Variants in PNLIP observed in about 807,000 individuals in gnomAD.
PNLIP encodes the protein pancreatic lipase.
A neutral mutation model predicts 57.1 loss-of-function variants in PNLIP; 49 were observed. That is an observed-to-expected ratio of 0.86 (90% CI 0.68 to 1.09). The LOEUF (loss-of-function observed/expected upper bound fraction) is 1.09, where lower values mean the gene tolerates loss of function less well. Among genes scored for constraint, PNLIP ranks in the 50% least tolerant of loss-of-function variants. PNLIP has a pLI of 0.00. For missense variants in PNLIP, 503 were observed against 570.2 expected (o/e 0.88, Z 1.20); for synonymous variants, 209 against 200.4 (o/e 1.04, Z -0.36).
chr10:116,556,149 T>C, intron 9 of PNLIP, 31 bp downstream of exon 9: 1 of 1,242,600 alleles, frequency 8.0e-7, no homozygotes, highest in Non-Finnish European at 1.2e-6. Flanking sequence ...GCATAAAGAA[T>C]TTTGTGACTG....
At chr10:116,564,822 T>C (rs1847347616) in intron 12 of PNLIP, among the ~76,000 whole-genome samples, 4 of 152,032 alleles carry the variant, frequency 2.6e-5, no homozygotes, top group Admixed American at 2.6e-4. Context: ...GAAGGTGTGA[T>C]AAGTTAAAAA....
rs1847117098 is a variant in PNLIP, at chr10:116,545,938, G to C, written c.-21G>C. The C allele has an allele frequency of 1.5e-5, 9 of 611,978 alleles. No homozygotes were observed. The highest frequency in any genetic ancestry group is 2.6e-5 in the Non-Finnish European group (9 of 339,752). 37.9% of individuals were successfully genotyped at this position (611,978 alleles called of 1,614,324 possible). A position where few individuals can be genotyped will look rare whatever the true frequency, so the allele number is the denominator to read the frequency against. On this transcript the variant is annotated 5_prime_UTR_variant, in exon 1 of 13. Coordinates refer to ENST00000369221, the MANE Select transcript of PNLIP (RefSeq NM_000936.4). ...TTTTGTTGCTATCTGGTTGCGTGTG[G>C]AACCTGACGGAACTGCCACGGTGAG...
At chr10:116,557,241 C>A (rs961938818) in intron 9 of PNLIP, among the ~76,000 whole-genome samples, 2 of 152,170 alleles carry the variant, frequency 1.3e-5, no homozygotes, top group African/African-American at 4.8e-5. Flanking sequence ...ACAAAAGCCT[C>A]AGGTTTCATT....
chr10:116,557,546 C>G (rs1469066386), intron 9 of PNLIP, among the ~76,000 whole-genome samples: 2 of 152,196 alleles, frequency 1.3e-5, no homozygotes, highest in Non-Finnish European at 2.9e-5. Context: ...GAGATGACGT[C>G]TTGGGCTTGT....
At chr10:116,561,734 G>T in intron 12 of PNLIP, 98 bp downstream of exon 12, 1 of 1,055,978 alleles carries the variant, frequency 9.5e-7, no homozygotes, top group Non-Finnish European at 1.4e-6. Flanking sequence ...TCCTACAGGG[G>T]ATCGCCTACA....
intron 9 of PNLIP, among the ~76,000 whole-genome samples, chr10:116,556,362 T>A (rs1238532379): frequency 1.3e-5 from 2 of 152,206 alleles, no homozygotes; most frequent in Non-Finnish European, 2.9e-5. Context: ...TGTCCAAACT[T>A]GTTTTAGAAA....
chr10:116,553,255 A>G (rs1047479390), intron 5 of PNLIP, among the ~76,000 whole-genome samples: 1 of 152,106 alleles, frequency 6.6e-6, no homozygotes, highest in African/African-American at 2.4e-5. Flanking sequence ...ATAGGCACCC[A>G]CCACCACGCC....
At chr10:116,554,509 A>G (rs886867087) in intron 6 of PNLIP, among the ~76,000 whole-genome samples, 1 of 152,144 alleles carries the variant, frequency 6.6e-6, no homozygotes, top group African/African-American at 2.4e-5. Context: ...GAGCTCACAT[A>G]TTGGATACCC....
intron 2 of PNLIP, among the ~76,000 whole-genome samples, chr10:116,546,863 A>G (rs1847131070): frequency 6.6e-6 from 1 of 152,206 alleles, no homozygotes; most frequent in African/African-American, 2.4e-5. Context: ...GATGTCCTGC[A>G]GTACAGCAAG....
rs757792258 is a variant in PNLIP at position 116,567,721 on chromosome 10, T to C, written c.1335-14T>C. ...AGGAAGAGGAGGTGACTTTGTGTTG[T>C]TTTTTCTCCACAGGTTCAACTTCTG... On this transcript the variant is annotated splice_polypyrimidine_tract_variant and intron_variant, in intron 12 of 12. Transcript: ENST00000369221. The C allele has an allele frequency of 2.1e-5, 34 of 1,611,878 alleles. 1 individual carries two copies. The South Asian group carries it at 3.6e-4, about 17-fold the overall frequency.
Position 116,560,472 on chromosome 10 carries a change from C to G in PNLIP, c.1117C>G (p.Leu373Val). Residue 373 changes from leucine (L) to valine (V), a missense_variant, in exon 11 of 13, where the codon CTA becomes GTA. Coordinates refer to ENST00000369221, the MANE Select transcript of PNLIP (RefSeq NM_000936.4). ...TGGAAAAAAGGTTACAGGACACATACTAGTTTCTTTGTTCGGAAATAAAGG... is the reference window on the plus strand; with the variant it reads ...TGGAAAAAAGGTTACAGGACACATAGTAGTTTCTTTGTTCGGAAATAAAGG... ...LSGKKVTGHI[L>V]VSLFGNKGNS... 2 of 1,607,092 alleles carry G rather than the reference C, an allele frequency of 1.2e-6. No homozygotes were observed. Among genetic ancestry groups the G allele is most frequent in the Non-Finnish European group, 1.7e-6 (2 of 1,176,004 alleles).
chr10:116,561,595 G>T lies in PNLIP; in HGVS notation c.1293G>T (p.Val431=), dbSNP rs1313182039. 5 of 1,613,116 alleles carry T rather than the reference G, an allele frequency of 3.1e-6. No homozygotes were observed. The highest frequency in any genetic ancestry group is 3.4e-6 in the Non-Finnish European group (4 of 1,179,646). Residue 431 remains valine (V), a synonymous_variant, in exon 12 of 13, where the codon GTG becomes GTT. Coordinates refer to ENST00000369221, the MANE Select transcript of PNLIP (RefSeq NM_000936.4). ...NNVINPTLPR[V]GASKIIVETN... Reference sequence around the variant, plus strand: ...TGATCAACCCAACTTTACCTAGAGTGGGAGCATCCAAGATTATAGTGGAGA... The same window carrying T: ...TGATCAACCCAACTTTACCTAGAGTTGGAGCATCCAAGATTATAGTGGAGA...
In PNLIP at chr10:116,555,452, T is replaced by C; in HGVS notation, c.756T>C (p.Pro252=). The C allele has an allele frequency of 3.1e-6, 5 of 1,614,148 alleles. No homozygotes were observed. Among genetic ancestry groups the C allele is most frequent in the Non-Finnish European group, 4.2e-6 (5 of 1,179,958 alleles). ...DFFPNGGVEM[P]GCKKNILSQI... ...TTCCAAATGGAGGAGTGGAAATGCC[T>C]GGATGTAAAAAGAACATTCTCTCTC... Residue 252 remains proline (P), a synonymous_variant, in exon 8 of 13, where the codon CCT becomes CCC. Transcript: ENST00000369221.
At chr10:116,561,745 T>A in intron 12 of PNLIP, 109 bp downstream of exon 12, 2 of 943,170 alleles carry the variant, frequency 2.1e-6, no homozygotes, top group Admixed American at 2.4e-5. Flanking sequence ...ATCGCCTACA[T>A]CCTAGTTGCA....
intron 1 of PNLIP, 59 bp downstream of exon 1, chr10:116,546,017 G>C (rs1470430251): frequency 8.2e-7 from 1 of 1,223,690 alleles, no homozygotes; most frequent in Non-Finnish European, 1.2e-6. Flanking sequence ...TTTTCCCCCA[G>C]AGGTCTAAAT....
At position 116,551,246 on chromosome 10, in the gene PNLIP, G is replaced by C; in HGVS notation, c.459+14G>C. 1 of 1,572,760 alleles carries C rather than the reference G, an allele frequency of 6.4e-7. No homozygotes were observed. The highest frequency in any genetic ancestry group is 8.6e-7 in the Non-Finnish European group (1 of 1,156,694). On this transcript the variant is annotated intron_variant, in intron 5 of 12. Transcript: ENST00000369221. The stretch of plus-strand genomic sequence containing the variant: ...GAATTTCTTCAGGTAATTACTCCCG[G>C]ATTGCATAAAAGCCTGTACACATGG...
intron 12 of PNLIP, among the ~76,000 whole-genome samples, chr10:116,565,205 G>A (rs1307756296): frequency 1.8e-5 from 2 of 113,654 alleles, no homozygotes; most frequent in Admixed American, 1.3e-4. Context: ...AGCCAAGATC[G>A]CACCACTGCA....
In PNLIP at chr10:116,561,508, A is replaced by G; in HGVS notation, c.1206A>G (p.Glu402=). 6.2e-7 allele frequency: 1 copy of G among 1,614,008 alleles called. No individual in the cohort carries two copies. The highest frequency in any genetic ancestry group is 8.5e-7 in the Non-Finnish European group (1 of 1,179,918). The change falls in exon 12 of 13, where the codon GAA becomes GAG. Residue 402 remains glutamate (E), a synonymous_variant. Transcript: ENST00000369221. ...AACCAGATAGTACTCATTCCAATGA[A>G]TTTGACTCAGATGTGGATGTTGGGG... ...TLKPDSTHSN[E]FDSDVDVGDL...
Position 116,561,635 on chromosome 10 carries a change from C to T in PNLIP, c.1333C>T (p.Gln445Ter). 1.2e-6 allele frequency: 2 copies of T among 1,606,540 alleles called. No homozygotes were observed. Among genetic ancestry groups the T allele is most frequent in the Non-Finnish European group, 1.7e-6 (2 of 1,175,498 alleles). ...TATAGTGGAGACAAATGTTGGAAAA[C>T]AGTAAGTAATGAAAATCCCAGGAGA... ...KIIVETNVGKQFNFCSPETVR... is the reference protein window; with the variant it reads ...KIIVETNVGK Residue 445 changes from glutamine (Q) to a stop codon, truncating the protein, a stop_gained and splice_region_variant, in exon 12 of 13, where the codon CAG becomes TAG. Coordinates refer to ENST00000369221, the MANE Select transcript of PNLIP (RefSeq NM_000936.4). LOFTEE classifies it high-confidence loss of function.
Sources: gnomAD v4.1 joint callset for allele counts (sites outside exome capture counted in the v4.1 genomes callset) on GRCh38, gnomAD v4.1.1 for gene constraint, MANE v1.5 for transcripts, NCBI Gene and HGNC (gene_info 2026-07-23, HGNC 2026-07-21) for gene names.